SLIT3: variants seen among roughly 807,000 people sequenced by gnomAD.
SLIT3 encodes slit guidance ligand 3.
In SLIT3, 68 loss-of-function variants were observed where a neutral mutation model predicts 184.0. The observed-to-expected ratio is 0.37, with a 90% CI of 0.30 to 0.45. The LOEUF is 0.45. Ranked by LOEUF, SLIT3 falls within the 20% of genes least tolerant of loss-of-function variation. The pLI, the probability that SLIT3 is intolerant of heterozygous loss-of-function variation, is 1.00. For synonymous variants in SLIT3, 831 were observed against 828.6 expected (o/e 1.00, Z -0.05); for missense variants, 1,707 against 2,026.0 (o/e 0.84, Z 3.02).
At chr5:169,078,871 T>C (rs1345242227) in intron 4 of SLIT3, among the ~76,000 whole-genome samples, 2 of 152,222 alleles carry the variant, frequency 1.3e-5, no homozygotes, top group Non-Finnish European at 2.9e-5. Flanking sequence ...CTAGGAAATA[T>C]TCCTATTATT....
At chr5:168,926,254 T>G (rs1327407216) in intron 4 of SLIT3, among the ~76,000 whole-genome samples, 1 of 152,154 alleles carries the variant, frequency 6.6e-6, no homozygotes, top group Non-Finnish European at 1.5e-5. Flanking sequence ...GAATTCAGGA[T>G]AGCCAAAAAA....
intron 4 of SLIT3, among the ~76,000 whole-genome samples, chr5:168,990,814 G>C (rs1048247031): frequency 1.3e-5 from 2 of 152,194 alleles, no homozygotes. Flanking sequence ...GCTCCAGGGA[G>C]GTCTTAGAGA....
intron 9 of SLIT3, among the ~76,000 whole-genome samples, chr5:168,799,171 C>T (rs1756678399): frequency 6.6e-6 from 1 of 152,168 alleles, no homozygotes; most frequent in Admixed American, 6.5e-5. Context: ...TCCTGGAAGT[C>T]TTTGCACTTA....
chr5:168,853,511 G>A (rs1758750861), intron 5 of SLIT3, among the ~76,000 whole-genome samples: 2 of 152,176 alleles, frequency 1.3e-5, no homozygotes, highest in Middle Eastern at 6.8e-3. Flanking sequence ...ATGATAAATT[G>A]TAGCAATCAC....
At chr5:168,763,897 G>A (rs1273367707) in intron 14 of SLIT3, among the ~76,000 whole-genome samples, 1 of 152,180 alleles carries the variant, frequency 6.6e-6, no homozygotes, top group Non-Finnish European at 1.5e-5. Context: ...CATGAGTATT[G>A]GGAAGTGTTT....
In SLIT3 at chr5:169,085,569, A is replaced by G. The variant is rs112216070; in HGVS notation, c.413+107910T>C. ...AATTCCCCAAATCCAGGCCACATGC[A>G]TGGCTGTTTAAGCCTTGATGAAAAT... On this transcript the variant is annotated intron_variant, in intron 4 of 35. Transcript: ENST00000519560. Among the ~76,000 whole-genome samples the G allele has an allele frequency of 1.2e-3, 181 of 152,320 alleles. 1 individual carries two copies. The highest frequency in any genetic ancestry group is 4.3e-3 in the African/African-American group (177 of 41,576).
chr5:169,040,375 A>T (rs939033063), intron 4 of SLIT3, among the ~76,000 whole-genome samples: 2 of 152,262 alleles, frequency 1.3e-5, no homozygotes, highest in Non-Finnish European at 2.9e-5. Context: ...TAAAGCTGAC[A>T]AAATTGTGTA....
intron 4 of SLIT3, among the ~76,000 whole-genome samples, chr5:168,922,778 C>T (rs1296943676): frequency 6.6e-6 from 1 of 152,068 alleles, no homozygotes; most frequent in Non-Finnish European, 1.5e-5. Context: ...GATAAATACA[C>T]AGGTAAGAGG....
intron 15 of SLIT3, 117 bp downstream of exon 15, chr5:168,762,422 A>G (rs1412135646): frequency 3.6e-6 from 4 of 1,103,208 alleles, no homozygotes; most frequent in South Asian, 1.5e-5. Context: ...AAGACAGCCA[A>G]CAAACACCAC....
chr5:168,974,164 T>C (rs1754676438), intron 4 of SLIT3, among the ~76,000 whole-genome samples: 2 of 152,202 alleles, frequency 1.3e-5, no homozygotes, highest in Non-Finnish European at 2.9e-5. Flanking sequence ...CAGCGTCTTG[T>C]TCAAGGTCAC....
chr5:168,695,666 A>G (rs909148680), intron 28 of SLIT3, among the ~76,000 whole-genome samples: 6 of 152,146 alleles, frequency 3.9e-5, no homozygotes, highest in Non-Finnish European at 8.8e-5. Context: ...GTAGGAAAAT[A>G]AAGGTTTTGT....
At chr5:169,254,759 G>A (rs1361867389) in intron 1 of SLIT3, among the ~76,000 whole-genome samples, 1 of 152,224 alleles carries the variant, frequency 6.6e-6, no homozygotes, top group East Asian at 1.9e-4. Context: ...TGAGGATGAG[G>A]GAGAGATGCC....
At chr5:168,833,025 GTGA>G (rs1350701827) in intron 6 of SLIT3, among the ~76,000 whole-genome samples, 3 of 152,228 alleles carry the variant, frequency 2.0e-5, no homozygotes, top group African/African-American at 7.2e-5. Flanking sequence ...GCAGCCACCA[GTGA>G]TGAATTATCT....
In SLIT3 at chr5:168,688,291, C is replaced by T. The variant is rs182715624; in HGVS notation, c.3177-1175G>A. 4.6e-3 allele frequency among the ~76,000 whole-genome samples: 701 copies of T among 152,222 alleles called. 4 individuals carry two copies. Among genetic ancestry groups the T allele is most frequent in the Middle Eastern group, 0.014 (4 of 294 alleles). ...AACCTATCCAAGTCAGAGGAGGAGGCGGCATGGCAGAAGGAGGTGACAAAG... is the reference window on the plus strand; with the variant it reads ...AACCTATCCAAGTCAGAGGAGGAGGTGGCATGGCAGAAGGAGGTGACAAAG... On this transcript the variant is annotated intron_variant, in intron 29 of 35. Coordinates refer to ENST00000519560, the MANE Select transcript of SLIT3 (RefSeq NM_003062.4).
At chr5:169,182,638 T>C (rs1763203829) in intron 4 of SLIT3, among the ~76,000 whole-genome samples, 1 of 152,236 alleles carries the variant, frequency 6.6e-6, no homozygotes, top group East Asian at 1.9e-4. Flanking sequence ...TGATGCTGAA[T>C]GTGGTTCAGG....
chr5:169,116,480 T>A (rs1054995545), intron 4 of SLIT3, among the ~76,000 whole-genome samples: 4 of 152,222 alleles, frequency 2.6e-5, no homozygotes, highest in Admixed American at 1.3e-4. Flanking sequence ...GACCTAGTTA[T>A]GGTGTTCAGG....
At chr5:169,172,218 A>G (rs17070929) in intron 4 of SLIT3, among the ~76,000 whole-genome samples, 16,663 of 152,230 alleles carry the variant, frequency 0.11, 1,728 homozygotes, top group African/African-American at 0.27. Flanking sequence ...TGCATTGACA[A>G]ATCTTTGGTT....
At chr5:169,088,625 G>T (rs750571528) in intron 4 of SLIT3, among the ~76,000 whole-genome samples, 13 of 152,120 alleles carry the variant, frequency 8.5e-5, no homozygotes, top group Non-Finnish European at 1.6e-4. Context: ...TGGGGCAAGG[G>T]TCTTTCCGAG....
At chr5:168,766,043 A>T (rs1275535968) in intron 14 of SLIT3, among the ~76,000 whole-genome samples, 1 of 152,220 alleles carries the variant, frequency 6.6e-6, no homozygotes, top group Non-Finnish European at 1.5e-5. Context: ...GGTGTGGGAC[A>T]GGTAGGGAGC....
Sources: allele counts gnomAD v4.1 joint callset (sites outside exome capture counted in the v4.1 genomes callset), GRCh38; gene constraint gnomAD v4.1.1; transcripts MANE v1.5; gene names NCBI Gene and HGNC (gene_info 2026-07-23, HGNC 2026-07-21).